Variants in ANGPT1 observed in about 807,000 individuals in gnomAD.
ANGPT1 encodes the protein angiopoietin 1.
A neutral mutation model predicts 62.2 loss-of-function variants in ANGPT1; 17 were observed. The observed-to-expected ratio is 0.27, with a 90% CI of 0.19 to 0.41. The LOEUF is 0.41. Ranked by LOEUF, ANGPT1 falls within the 10% of genes least tolerant of loss-of-function variation. The pLI is 1.00. For missense variants in ANGPT1, 478 were observed against 594.9 expected (o/e 0.80, Z 2.04); for synonymous variants, 199 against 198.9 (o/e 1.00, Z 0.00).
chr8:107,390,231 A>T (rs981755977), intron 1 of ANGPT1, among the ~76,000 whole-genome samples: 1 of 152,178 alleles, frequency 6.6e-6, no homozygotes, highest in African/African-American at 2.4e-5. Flanking sequence ...TATGTATGTG[A>T]CTATTAGAAA....
Position 107,403,604 on chromosome 8 carries a change from A to G in ANGPT1, c.298-56507T>C, listed in dbSNP as rs528468216. Among the ~76,000 whole-genome samples the G allele has an allele frequency of 2.1e-4, 32 of 152,234 alleles. No individual in the cohort carries two copies. The South Asian group carries it at 6.4e-3, about 31-fold the overall frequency. ...AGGAAAACTGATGCACACAAAATAT[A>G]TACACCAAAATGCTAACACCTGTCT... On this transcript the variant is annotated intron_variant, in intron 1 of 8. Transcript: ENST00000517746.
At chr8:107,264,198 G>T in intron 8 of ANGPT1, 23 bp downstream of exon 8, 1 of 1,604,286 alleles carries the variant, frequency 6.2e-7, no homozygotes, top group South Asian at 1.1e-5. Context: ...ACATAGCTTA[G>T]AGAATGGCCC....
intron 1 of ANGPT1, among the ~76,000 whole-genome samples, chr8:107,420,048 T>A (rs978946267): frequency 1.3e-5 from 2 of 152,198 alleles, no homozygotes; most frequent in Admixed American, 6.5e-5. Context: ...CAACTAGGGT[T>A]TCTTTGACTC....
chr8:107,291,487 C>T (rs1814271708), intron 6 of ANGPT1, among the ~76,000 whole-genome samples: 2 of 152,120 alleles, frequency 1.3e-5, no homozygotes, highest in Admixed American at 1.3e-4. Context: ...TCTCAGCTCA[C>T]TGCAACCTCT....
At chr8:107,253,008 A>G (rs536008148) in intron 8 of ANGPT1, among the ~76,000 whole-genome samples, 24 of 152,332 alleles carry the variant, frequency 1.6e-4, no homozygotes, top group African/African-American at 5.5e-4. Context: ...TAACTGTAAC[A>G]TGAGCACAAT....
chr8:107,384,710 C>T (rs1816701323), intron 1 of ANGPT1, among the ~76,000 whole-genome samples: 1 of 152,064 alleles, frequency 6.6e-6, no homozygotes, highest in African/African-American at 2.4e-5. Context: ...AGACCAATGT[C>T]CAGAGTGGTA....
At chr8:107,391,210 T>A (rs1816828809) in intron 1 of ANGPT1, among the ~76,000 whole-genome samples, 1 of 152,214 alleles carries the variant, frequency 6.6e-6, no homozygotes, top group Admixed American at 6.5e-5. Flanking sequence ...GTTCCCATCA[T>A]AATGTGGGGC....
intron 1 of ANGPT1, among the ~76,000 whole-genome samples, chr8:107,415,854 T>C (rs1488331538): frequency 2.0e-5 from 3 of 152,050 alleles, no homozygotes; most frequent in African/African-American, 7.2e-5. Context: ...CATGGAGGGC[T>C]CCCCCTTGCA....
intron 1 of ANGPT1, among the ~76,000 whole-genome samples, chr8:107,440,992 C>G (rs559492122): frequency 6.6e-6 from 1 of 152,260 alleles, no homozygotes; most frequent in East Asian, 1.9e-4. Flanking sequence ...TAGCAGAAAC[C>G]AACCATGGCA....
intron 3 of ANGPT1, chr8:107,322,713 A>C (rs1440742378): frequency 3.1e-6 from 1 of 327,414 alleles, no homozygotes. Flanking sequence ...GAAAGAAAAA[A>C]ATCTCTTATT....
chr8:107,281,599 A>T, intron 7 of ANGPT1, among the ~76,000 whole-genome samples: 1 of 152,056 alleles, frequency 6.6e-6, no homozygotes, highest in Middle Eastern at 3.2e-3. Flanking sequence ...TAACACGGTG[A>T]AACTCCGTCT....
intron 4 of ANGPT1, among the ~76,000 whole-genome samples, chr8:107,311,900 T>C (rs1027537249): frequency 1.3e-5 from 2 of 151,916 alleles, no homozygotes; most frequent in African/African-American, 2.4e-5. Flanking sequence ...CCGTCTCTAC[T>C]AAAAATACAA....
At chr8:107,447,900 A>C (rs1811662595) in intron 1 of ANGPT1, among the ~76,000 whole-genome samples, 1 of 152,162 alleles carries the variant, frequency 6.6e-6, no homozygotes, top group Admixed American at 6.5e-5. Context: ...TGAGCAAGGG[A>C]TTTTGAAGGT....
chr8:107,484,810 A>C (rs1339553851), intron 1 of ANGPT1, among the ~76,000 whole-genome samples: 7 of 152,238 alleles, frequency 4.6e-5, no homozygotes, highest in African/African-American at 1.7e-4. Context: ...TCTTTGGCAG[A>C]AAATGTGATT....
chr8:107,360,609 C>G (rs1307330301), intron 1 of ANGPT1, among the ~76,000 whole-genome samples: 1 of 152,100 alleles, frequency 6.6e-6, no homozygotes, highest in Non-Finnish European at 1.5e-5. Context: ...TATGTAATCT[C>G]TAGTTATCCA....
At chr8:107,347,912 A>C (rs1815841303) in intron 1 of ANGPT1, among the ~76,000 whole-genome samples, 1 of 152,182 alleles carries the variant, frequency 6.6e-6, no homozygotes, top group South Asian at 2.1e-4. Flanking sequence ...ATGGAGAATC[A>C]TTAAGTGACT....
chr8:107,286,402 A>G (rs1814142177), intron 6 of ANGPT1, among the ~76,000 whole-genome samples: 1 of 152,166 alleles, frequency 6.6e-6, no homozygotes, highest in Non-Finnish European at 1.5e-5. Context: ...TTAAAAATTT[A>G]AAGAATTTTT....
intron 8 of ANGPT1, among the ~76,000 whole-genome samples, chr8:107,262,914 T>A (rs1003612007): frequency 5.3e-5 from 8 of 152,250 alleles, no homozygotes; most frequent in African/African-American, 1.7e-4. Flanking sequence ...AGTTTTGCCA[T>A]ATCCATTTAT....
chr8:107,332,931 A>T (rs1201478245), intron 3 of ANGPT1, among the ~76,000 whole-genome samples: 1 of 152,232 alleles, frequency 6.6e-6, no homozygotes, highest in African/African-American at 2.4e-5. Context: ...AGGAATAACC[A>T]GTGGTAATCG....
Sources: gnomAD v4.1 joint callset for allele counts (sites outside exome capture counted in the v4.1 genomes callset) on GRCh38, gnomAD v4.1.1 for gene constraint, MANE v1.5 for transcripts, NCBI Gene and HGNC (gene_info 2026-07-23, HGNC 2026-07-21) for gene names.